Variants in ROBO2 observed in about 807,000 individuals in gnomAD.
The protein encoded by ROBO2 is roundabout homolog 2.
ROBO2 carries 53 observed loss-of-function variants against 160.8 expected under a neutral mutation model. The ratio of observed to expected loss-of-function variants is 0.33; its 90% CI spans 0.26 to 0.41. ROBO2 has a LOEUF of 0.41. ROBO2 is among the 10% of genes least tolerant of loss of function. The pLI is 1.00. For synonymous variants in ROBO2, 664 were observed against 611.7 expected (o/e 1.09, Z -1.26); for missense variants, 1,577 against 1,722.4 (o/e 0.92, Z 1.49).
intron 2 of ROBO2, among the ~76,000 whole-genome samples, chr3:77,226,708 T>G (rs1414336484): frequency 6.6e-6 from 1 of 152,092 alleles, no homozygotes. Flanking sequence ...CATAGCTTAG[T>G]CTATCTTAAA....
At chr3:75,995,665 T>C (rs1204136204) in intron 2 of ROBO2, among the ~76,000 whole-genome samples, 1 of 151,906 alleles carries the variant, frequency 6.6e-6, no homozygotes, top group Non-Finnish European at 1.5e-5. Flanking sequence ...GACCCCAGAA[T>C]GGTAGATCCA....
chr3:77,638,502 T>C (rs1248179389), intron 24 of ROBO2, among the ~76,000 whole-genome samples: 1 of 152,100 alleles, frequency 6.6e-6, no homozygotes, highest in Non-Finnish European at 1.5e-5. Context: ...CCACGTGGTG[T>C]CAAACTAACT....
At chr3:76,180,142 A>T (rs17140442) in intron 2 of ROBO2, among the ~76,000 whole-genome samples, 3,460 of 152,232 alleles carry the variant, frequency 0.023, 242 homozygotes, top group East Asian at 0.23. Context: ...GTTATTGTGA[A>T]TGCCCCAACA....
intron 2 of ROBO2, among the ~76,000 whole-genome samples, chr3:76,569,340 C>A (rs1033503308): frequency 6.6e-6 from 1 of 151,796 alleles, no homozygotes; most frequent in African/African-American, 2.4e-5. Flanking sequence ...AACAAATGTT[C>A]CTGTTCAGCA....
chr3:77,470,515 C>A (rs2153579573), intron 2 of ROBO2, among the ~76,000 whole-genome samples: 1 of 152,238 alleles, frequency 6.6e-6, no homozygotes, highest in African/African-American at 2.4e-5. Flanking sequence ...AGATGAGGCT[C>A]CAATGACCTA....
intron 2 of ROBO2, among the ~76,000 whole-genome samples, chr3:76,692,207 C>T (rs1415728194): frequency 6.6e-6 from 1 of 152,106 alleles, no homozygotes; most frequent in Non-Finnish European, 1.5e-5. Context: ...GCAGCAGGTG[C>T]TTGAGGTCAC....
chr3:76,274,944 T>C (rs1026312693), intron 2 of ROBO2, among the ~76,000 whole-genome samples: 3 of 152,010 alleles, frequency 2.0e-5, no homozygotes, highest in Non-Finnish European at 4.4e-5. Flanking sequence ...GTGAATATAA[T>C]ATTTTATGCA....
chr3:77,060,662 C>A (rs900885980), intron 1 of ROBO2, among the ~76,000 whole-genome samples: 2 of 152,196 alleles, frequency 1.3e-5, no homozygotes, highest in Non-Finnish European at 2.9e-5. Flanking sequence ...AGATCCACCA[C>A]AGCAGCTCAA....
chr3:77,262,848 CGATGATGGT>C (rs1026322933), intron 2 of ROBO2, among the ~76,000 whole-genome samples: 5 of 151,996 alleles, frequency 3.3e-5, no homozygotes, highest in Non-Finnish European at 5.9e-5. Flanking sequence ...GGTTGGATGG[CGATGATGGT>C]GATGATGGTG....
chr3:76,400,591 A>G (rs1344561885), intron 2 of ROBO2, among the ~76,000 whole-genome samples: 2 of 151,580 alleles, frequency 1.3e-5, no homozygotes, highest in Admixed American at 6.6e-5. Flanking sequence ...AATTTGTAAG[A>G]TTGAAAAAAT....
chr3:77,440,655 A>C (rs1211155419), intron 2 of ROBO2, among the ~76,000 whole-genome samples: 1 of 152,220 alleles, frequency 6.6e-6, no homozygotes, highest in African/African-American at 2.4e-5. Context: ...TTCTTTTTGA[A>C]CAAAATGTTT....
chr3:77,105,078 C>T (rs2072604175), intron 2 of ROBO2, among the ~76,000 whole-genome samples: 1 of 152,112 alleles, frequency 6.6e-6, no homozygotes, highest in Non-Finnish European at 1.5e-5. Context: ...TCTTCATTCT[C>T]GGGTTACTTT....
intron 2 of ROBO2, among the ~76,000 whole-genome samples, chr3:76,732,966 T>C (rs2093658402): frequency 7.0e-6 from 1 of 142,610 alleles, no homozygotes; most frequent in Admixed American, 7.4e-5. Flanking sequence ...TTTCTGAGCA[T>C]ACTGATGACA....
chr3:77,132,059 T>A (rs1038444550), intron 2 of ROBO2, among the ~76,000 whole-genome samples: 2 of 152,090 alleles, frequency 1.3e-5, no homozygotes, highest in Non-Finnish European at 2.9e-5. Context: ...TGGGTGCATG[T>A]TTTCCTTTAG....
intron 2 of ROBO2, among the ~76,000 whole-genome samples, chr3:75,947,723 A>G (rs1429881884): frequency 6.6e-6 from 1 of 152,128 alleles, no homozygotes; most frequent in Non-Finnish European, 1.5e-5. Flanking sequence ...TATCAGCATG[A>G]TCAATAAAAC....
chr3:76,608,692 G>A (rs2087847224), intron 2 of ROBO2, among the ~76,000 whole-genome samples: 1 of 152,026 alleles, frequency 6.6e-6, no homozygotes, highest in African/African-American at 2.4e-5. Flanking sequence ...TTTTTTAGAA[G>A]TTTTATAGTT....
intron 2 of ROBO2, among the ~76,000 whole-genome samples, chr3:77,175,468 AC>A (rs1560166307): frequency 6.6e-6 from 1 of 152,022 alleles, no homozygotes; most frequent in African/African-American, 2.4e-5. Context: ...TTTAATTGGC[AC>A]ACGATGAGGA....
rs569258210 is a variant in ROBO2, at chr3:77,291,441, C to A, written c.389-185973C>A. On this transcript the variant is annotated intron_variant, in intron 2 of 25. Transcript: ENST00000461745. ...CGGGTAAGCTGAGGCTAGATCACCC[C>A]AGACATGAAGTAAAATTGATGGTTA... 1.7e-3 allele frequency among the ~76,000 whole-genome samples: 238 copies of A among 141,488 alleles called. 1 individual carries two copies. Among genetic ancestry groups the A allele is most frequent in the Admixed American group, 6.3e-3 (88 of 14,028 alleles). 92.8% of individuals were successfully genotyped at this position (141,488 alleles called of 152,430 possible). A position where few individuals can be genotyped will look rare whatever the true frequency, so the allele number is the denominator to read the frequency against.
chr3:77,030,554 G>A (rs747736781), intron 2 of ROBO2, among the ~76,000 whole-genome samples: 5 of 152,110 alleles, frequency 3.3e-5, no homozygotes, highest in Non-Finnish European at 7.4e-5. Context: ...TAAAACAAGC[G>A]GACATTTATT....
Sources: gnomAD v4.1 joint callset for allele counts (sites outside exome capture counted in the v4.1 genomes callset) on GRCh38, gnomAD v4.1.1 for gene constraint, MANE v1.5 for transcripts, NCBI Gene and HGNC (gene_info 2026-07-23, HGNC 2026-07-21) for gene names.